WFDC3: variants seen among roughly 807,000 people sequenced by gnomAD.
The protein encoded by WFDC3 is WAP four-disulfide core domain protein 3.
In WFDC3, 15 loss-of-function variants were observed where a neutral mutation model predicts 25.8. That is an observed-to-expected ratio of 0.58 (90% CI 0.39 to 0.89). The LOEUF is 0.89. Ranked by LOEUF, WFDC3 falls within the 40% of genes least tolerant of loss-of-function variation. The pLI, the probability that WFDC3 is intolerant of heterozygous loss-of-function variation, is 0.00. For missense variants in WFDC3, 264 were observed against 289.8 expected (o/e 0.91, Z 0.65); for synonymous variants, 103 against 107.1 (o/e 0.96, Z 0.24).
Position 45,774,215 on chromosome 20 carries a change from A to T in WFDC3, c.*213T>A. ...CCTCAAATAGCACAAACAAGAGGTCAGCACCAGCCTTTATCGGGAAAGAGA... is the reference window on the plus strand; with the variant it reads ...CCTCAAATAGCACAAACAAGAGGTCTGCACCAGCCTTTATCGGGAAAGAGA... On this transcript the variant is annotated 3_prime_UTR_variant, in exon 7 of 7. Coordinates refer to ENST00000243938, the MANE Select transcript of WFDC3 (RefSeq NM_080614.2). The T allele has an allele frequency of 1.6e-6, 1 of 631,358 alleles. No individual in the cohort carries two copies. The highest frequency in any genetic ancestry group is 2.8e-6 in the Non-Finnish European group (1 of 358,418). The allele number at this position is 631,358 out of a possible 1,614,324, so 39.1% of individuals were successfully genotyped here.
At chr20:45,777,392 C>T (rs1426221242) in intron 4 of WFDC3, among the ~76,000 whole-genome samples, 183 bp from the exon 5 acceptor site, 1 of 152,072 alleles carries the variant, frequency 6.6e-6, no homozygotes, top group East Asian at 1.9e-4. Context: ...ACTGTGTTGC[C>T]CAGGCCAAAG....
chr20:45,789,068 G>T lies in WFDC3; in HGVS notation c.83-9C>A. The stretch of plus-strand genomic sequence containing the variant: ...GCATTCTCCCTCTTTTGCTGCAAAA[G>T]ATACTATTTGAGTTTGGGGTAACTA... On this transcript the variant is annotated splice_polypyrimidine_tract_variant and intron_variant, in intron 2 of 6. Transcript: ENST00000243938. 2 of 1,612,364 alleles carry T rather than the reference G, an allele frequency of 1.2e-6. No individual in the cohort carries two copies. Among genetic ancestry groups the T allele is most frequent in the African/African-American group, 2.7e-5 (2 of 74,930 alleles).
intron 5 of WFDC3, among the ~76,000 whole-genome samples, chr20:45,776,633 AAAATATAT>A (rs1568697429): frequency 1.7e-4 from 12 of 69,326 alleles, no homozygotes; most frequent in African/African-American, 6.8e-4. Flanking sequence ...AAAAAAAAAA[AAAATATAT>A]ATATATATAT....
chr20:45,779,021 A>T (rs1476737702), intron 4 of WFDC3, among the ~76,000 whole-genome samples: 2 of 152,230 alleles, frequency 1.3e-5, no homozygotes, highest in Admixed American at 6.5e-5. Flanking sequence ...ATGAAAATAA[A>T]CTCAGAGAAG....
At chr20:45,790,878 A>T (rs1980935857) in intron 1 of WFDC3, 1 of 471,154 alleles carries the variant, frequency 2.1e-6, no homozygotes, top group Non-Finnish European at 4.4e-6. Context: ...TCTAGCTGGC[A>T]GAACCCAAGA....
At chr20:45,777,360 AT>A (rs1980240053) in intron 4 of WFDC3, 151 bp from the exon 5 acceptor site, 25 of 967,120 alleles carry the variant, frequency 2.6e-5, no homozygotes, top group Non-Finnish European at 2.9e-5. Context: ...AATACATCTG[AT>A]TTTTTTTAAG....
intron 4 of WFDC3, among the ~76,000 whole-genome samples, chr20:45,785,479 G>C (rs73122742): frequency 1.6e-5 from 2 of 125,910 alleles, no homozygotes; most frequent in Non-Finnish European, 3.4e-5. Context: ...AAAAAAAAAA[G>C]AACATTTCAG....
At chr20:45,777,783 A>C (rs1326250299) in intron 4 of WFDC3, among the ~76,000 whole-genome samples, 1 of 152,148 alleles carries the variant, frequency 6.6e-6, no homozygotes, top group Admixed American at 6.5e-5. Context: ...AGCCTCCCAA[A>C]GTGCCAGGAT....
At chr20:45,776,349 TG>T (rs1331795892) in intron 5 of WFDC3, among the ~76,000 whole-genome samples, 1 of 138,838 alleles carries the variant, frequency 7.2e-6, no homozygotes, top group African/African-American at 2.6e-5. Flanking sequence ...GGCTCACGCC[TG>T]TAATTCCAGC....
intron 4 of WFDC3, among the ~76,000 whole-genome samples, chr20:45,779,191 A>G (rs1478086661): frequency 6.6e-6 from 1 of 152,214 alleles, no homozygotes; most frequent in Non-Finnish European, 1.5e-5. Context: ...GCCACATCCA[A>G]ACCAAACCAA....
chr20:45,779,025 A>G (rs186636742), intron 4 of WFDC3, among the ~76,000 whole-genome samples: 2 of 152,346 alleles, frequency 1.3e-5, no homozygotes, highest in African/African-American at 2.4e-5. Flanking sequence ...AAATAAACTC[A>G]GAGAAGAATC....
At chr20:45,775,662 C>T (rs6073908) in intron 5 of WFDC3, 60 bp from the exon 6 acceptor site, 44,716 of 1,596,492 alleles carry the variant, frequency 0.028, 1,068 homozygotes, top group Admixed American at 0.13. Context: ...TCTCCATGTT[C>T]CCATCGTGAA....
chr20:45,783,473 G>GT (rs149979079), intron 4 of WFDC3, among the ~76,000 whole-genome samples: 436 of 152,042 alleles, frequency 2.9e-3, no homozygotes, highest in Non-Finnish European at 5.2e-3. Flanking sequence ...GTGAGACCTT[G>GT]TCCCAGATAA....
At chr20:45,789,861 A>G (rs755345789) in intron 2 of WFDC3, 33 bp downstream of exon 2, 2 of 1,589,940 alleles carry the variant, frequency 1.3e-6, no homozygotes, top group African/African-American at 2.7e-5. Flanking sequence ...ACTTTCTGTT[A>G]CTGTTGGCCA....
At chr20:45,780,015 C>T (rs1163363125) in intron 4 of WFDC3, 2 of 152,042 alleles carry the variant, frequency 1.3e-5, no homozygotes, top group East Asian at 3.9e-4. Context: ...GCCTCACTAC[C>T]TCCAAGCCAG....
chr20:45,780,050 A>C (rs1980368524), intron 4 of WFDC3, among the ~76,000 whole-genome samples: 1 of 147,878 alleles, frequency 6.8e-6, no homozygotes, highest in South Asian at 2.1e-4. Flanking sequence ...CTTAAGCTAG[A>C]CAGCCTTTAT....
intron 2 of WFDC3, among the ~76,000 whole-genome samples, 168 bp downstream of exon 2, chr20:45,789,726 A>G (rs1980859865): frequency 6.6e-6 from 1 of 152,158 alleles, no homozygotes; most frequent in Admixed American, 6.6e-5. Flanking sequence ...GAAAGCCAGG[A>G]AGAATGACCC....
At chr20:45,789,124 C>A in intron 2 of WFDC3, 65 bp from the exon 3 acceptor site, 2 of 1,590,996 alleles carry the variant, frequency 1.3e-6, no homozygotes, top group Admixed American at 1.8e-5. Context: ...AATGGACCTT[C>A]AGCCCCTCCA....
intron 5 of WFDC3, 75 bp from the exon 6 acceptor site, chr20:45,775,677 C>G: frequency 6.4e-7 from 1 of 1,570,628 alleles, no homozygotes; most frequent in Non-Finnish European, 8.7e-7. Flanking sequence ...CGTGAACTTA[C>G]ACACAGAGGC....
Sources: gnomAD v4.1 joint callset for allele counts (sites outside exome capture counted in the v4.1 genomes callset) on GRCh38, gnomAD v4.1.1 for gene constraint, MANE v1.5 for transcripts, NCBI Gene and HGNC (gene_info 2026-07-23, HGNC 2026-07-21) for gene names.